NECTIN3: variants seen among roughly 807,000 people sequenced by gnomAD.
NECTIN3 encodes the protein nectin-3.
NECTIN3 carries 8 observed loss-of-function variants against 49.4 expected under a neutral mutation model. That is an observed-to-expected ratio of 0.16 (90% CI 0.10 to 0.29). The LOEUF (loss-of-function observed/expected upper bound fraction) is 0.29, where lower values mean the gene tolerates loss of function less well. Ranked by LOEUF, NECTIN3 falls within the 10% of genes least tolerant of loss-of-function variation. The pLI, the probability that NECTIN3 is intolerant of heterozygous loss-of-function variation, is 1.00. For missense variants in NECTIN3, 581 were observed against 654.6 expected (o/e 0.89, Z 1.23); for synonymous variants, 277 against 241.1 (o/e 1.15, Z -1.38).
intron 1 of NECTIN3, chr3:111,192,503 T>G (rs1488198783): frequency 2.4e-6 from 3 of 1,233,738 alleles, no homozygotes; most frequent in Non-Finnish European, 3.4e-6. Context: ...CAAGTTCATT[T>G]TATTCATCTT....
chr3:111,160,934 G>A (rs1273552309), intron 7 of NECTIN3, among the ~76,000 whole-genome samples: 1 of 152,224 alleles, frequency 6.6e-6, no homozygotes, highest in Non-Finnish European at 1.5e-5. Context: ...GTGAACCCAG[G>A]AGGCAGAGCT....
Position 111,136,642 on chromosome 3 carries a change from CT to C in NECTIN3, c.*2429del, listed in dbSNP as rs1226880586. The stretch of plus-strand genomic sequence containing the variant: ...TGAATACCAGTGATATTCATAACTA[CT>C]TGACAGGTATATATGAAAATTCTAC... On this transcript the variant is annotated 3_prime_UTR_variant, in exon 6 of 6. Transcript: ENST00000485303. 1.1e-6 allele frequency: 1 copy of C among 906,290 alleles called. No individual in the cohort carries two copies. Among genetic ancestry groups the C allele is most frequent in the East Asian group, 1.2e-4 (1 of 8,408 alleles). The allele number at this position is 906,290 out of a possible 1,614,324, so 56.1% of individuals were successfully genotyped here.
intron 1 of NECTIN3, among the ~76,000 whole-genome samples, chr3:111,192,701 G>T (rs2035835210): frequency 6.6e-6 from 1 of 152,164 alleles, no homozygotes; most frequent in Non-Finnish European, 1.5e-5. Flanking sequence ...GTCAAGACAA[G>T]AGGATATTTT....
intron 1 of NECTIN3, among the ~76,000 whole-genome samples, chr3:111,085,419 A>T (rs924724132): frequency 1.3e-5 from 2 of 152,218 alleles, no homozygotes; most frequent in African/African-American, 4.8e-5. Context: ...AAATATTAAA[A>T]CTTTTAAAAT....
intron 1 of NECTIN3, chr3:111,074,264 C>T: frequency 2.2e-6 from 1 of 456,282 alleles, no homozygotes; most frequent in South Asian, 1.6e-5. Flanking sequence ...AGCTGTTAGT[C>T]TAACAAGTTG....
chr3:111,099,590 A>C (rs2032783655), intron 1 of NECTIN3, among the ~76,000 whole-genome samples: 1 of 152,198 alleles, frequency 6.6e-6, no homozygotes, highest in South Asian at 2.1e-4. Context: ...TGTGCTATGC[A>C]TCCTATATTT....
At chr3:111,118,293 A>G (rs1481880144) in intron 2 of NECTIN3, among the ~76,000 whole-genome samples, 2 of 108,540 alleles carry the variant, frequency 1.8e-5, no homozygotes, top group African/African-American at 6.1e-5. Context: ...TTATACATAT[A>G]TAAAACTTAT....
chr3:111,164,912 T>A (rs775883363), intron 7 of NECTIN3, among the ~76,000 whole-genome samples: 7 of 152,238 alleles, frequency 4.6e-5, no homozygotes, highest in Non-Finnish European at 2.9e-5. Flanking sequence ...GGCACTAGAC[T>A]TAACGCCAAA....
At chr3:111,082,690 TA>T (rs1177063671) in intron 1 of NECTIN3, among the ~76,000 whole-genome samples, 1 of 152,192 alleles carries the variant, frequency 6.6e-6, no homozygotes, top group Non-Finnish European at 1.5e-5. Context: ...GGCCTGGGGT[TA>T]GGGGCAGTGA....
chr3:111,122,986 A>C (rs1432538795), intron 4 of NECTIN3, among the ~76,000 whole-genome samples: 1 of 149,804 alleles, frequency 6.7e-6, no homozygotes, highest in African/African-American at 2.5e-5. Flanking sequence ...TTTCTTTTAT[A>C]TTTTCAGATG....
downstream of NECTIN3, among the ~76,000 whole-genome samples, chr3:111,140,873 T>C (rs2034725906): frequency 6.6e-6 from 1 of 152,010 alleles, no homozygotes; most frequent in Admixed American, 6.6e-5. Context: ...TGCCAATCCA[T>C]GTATTATATA....
chr3:111,072,144 C>T lies in NECTIN3; in HGVS notation c.127C>T (p.Leu43Phe). The change falls in exon 1 of 6, where the codon CTC becomes TTC. Residue 43 changes from leucine to phenylalanine, a missense_variant. Leu to Phe is a conservative substitution (Grantham distance 22). Transcript: ENST00000485303. ...GACGCCACCTCCGCTGCTGCTGCTG[C>T]TCTTCCCGCTGCTGCTCTTCTCCAG... ...PPTPPPLLLL[L>F]FPLLLFSRLC... is the part of the protein sequence containing the mutation. 6.4e-7 allele frequency: 1 copy of T among 1,551,550 alleles called. No homozygotes were observed. Among genetic ancestry groups the T allele is most frequent in the South Asian group, 1.2e-5 (1 of 83,952 alleles).
chr3:111,186,117 G>A (rs528057055), intron 7 of NECTIN3, among the ~76,000 whole-genome samples: 10 of 152,094 alleles, frequency 6.6e-5, no homozygotes, highest in African/African-American at 2.2e-4. Flanking sequence ...TCTAGTATGC[G>A]GTGAGTGGCA....
intron 1 of NECTIN3, among the ~76,000 whole-genome samples, chr3:111,102,300 C>A: frequency 6.6e-6 from 1 of 152,148 alleles, no homozygotes; most frequent in East Asian, 1.9e-4. Flanking sequence ...CCATCATCTC[C>A]CATTTTCCAC....
At chr3:111,112,861 A>G (rs571569627) in intron 2 of NECTIN3, among the ~76,000 whole-genome samples, 1 of 152,276 alleles carries the variant, frequency 6.6e-6, no homozygotes, top group Non-Finnish European at 1.5e-5. Context: ...CATAATAGTG[A>G]TATTCCACTA....
intron 5 of NECTIN3, among the ~76,000 whole-genome samples, chr3:111,128,884 G>A (rs2034274042): frequency 6.6e-6 from 1 of 152,146 alleles, no homozygotes. Context: ...AGCTAGGGTA[G>A]TTCTTTTAAA....
downstream of NECTIN3, among the ~76,000 whole-genome samples, chr3:111,140,223 T>G (rs1243808753): frequency 6.6e-6 from 1 of 151,942 alleles, no homozygotes; most frequent in Non-Finnish European, 1.5e-5. Context: ...GATATTTGGT[T>G]GTTCAATGTC....
Position 111,072,173 on chromosome 3 carries a change from C to T in NECTIN3, c.156C>T (p.Leu52=). 1 of 1,555,038 alleles carries T rather than the reference C, an allele frequency of 6.4e-7. No homozygotes were observed. Among genetic ancestry groups the T allele is most frequent in the Non-Finnish European group, 8.7e-7 (1 of 1,151,274 alleles). The change falls in exon 1 of 6, where the codon CTC becomes CTT. Residue 52 remains leucine, a synonymous_variant. Coordinates refer to ENST00000485303, the MANE Select transcript of NECTIN3 (RefSeq NM_015480.3). Reference sequence around the variant, plus strand: ...TCCCGCTGCTGCTCTTCTCCAGGCTCTGTGGTAGGTGAACCTCGGCGGCCG... The same window carrying T: ...TCCCGCTGCTGCTCTTCTCCAGGCTTTGTGGTAGGTGAACCTCGGCGGCCG... ...LLFPLLLFSR[L]CGALAGPIIV...
At chr3:111,167,127 C>T (rs1414616884) in intron 7 of NECTIN3, among the ~76,000 whole-genome samples, 2 of 152,168 alleles carry the variant, frequency 1.3e-5, no homozygotes, top group African/African-American at 4.8e-5. Flanking sequence ...TAGCCACATT[C>T]ACTTTGTAAA....
Sources: allele counts gnomAD v4.1 joint callset (sites outside exome capture counted in the v4.1 genomes callset), GRCh38; gene constraint gnomAD v4.1.1; transcripts MANE v1.5; gene names NCBI Gene and HGNC (gene_info 2026-07-23, HGNC 2026-07-21).